The following LRRC7 variants were observed in gnomAD, a reference collection of about 807,000 sequenced individuals.
LRRC7 encodes the protein leucine-rich repeat-containing protein 7.
A neutral mutation model predicts 175.7 loss-of-function variants in LRRC7; 23 were observed. The observed-to-expected ratio is 0.13, with a 90% CI of 0.09 to 0.19. The LOEUF (loss-of-function observed/expected upper bound fraction) is 0.19, where lower values mean the gene tolerates loss of function less well. LRRC7 is among the 10% of genes least tolerant of loss of function. The pLI, the probability that LRRC7 is intolerant of heterozygous loss-of-function variation, is 1.00. For missense variants in LRRC7, 1,354 were observed against 1,904.7 expected (o/e 0.71, Z 5.38); for synonymous variants, 685 against 680.9 (o/e 1.01, Z -0.09).
chr1:69,980,304 C>A (rs749612704), intron 8 of LRRC7, 75 bp from the exon 9 acceptor site: 6 of 1,201,790 alleles, frequency 5.0e-6, no homozygotes, highest in Non-Finnish European at 7.4e-6. Context: ...CAAGAAATTA[C>A]ATCTTATGTT....
intron 10 of LRRC7, among the ~76,000 whole-genome samples, chr1:69,991,782 C>T (rs751714583): frequency 1.3e-5 from 2 of 152,054 alleles, no homozygotes; most frequent in Non-Finnish European, 2.9e-5. Flanking sequence ...TTTAGTTCCT[C>T]TGCAGCTATC....
intron 1 of LRRC7, among the ~76,000 whole-genome samples, chr1:69,598,763 C>A (rs1221487908): frequency 6.6e-6 from 1 of 152,124 alleles, no homozygotes; most frequent in African/African-American, 2.4e-5. Flanking sequence ...AAATGTTTCT[C>A]AATACAAAAG....
chr1:69,600,543 G>A (rs1299833842), intron 1 of LRRC7, among the ~76,000 whole-genome samples: 1 of 152,164 alleles, frequency 6.6e-6, no homozygotes, highest in Admixed American at 6.5e-5. Flanking sequence ...ATCTATATCA[G>A]TATGGACTCA....
chr1:69,855,103 G>A (rs1458039513), intron 7 of LRRC7, among the ~76,000 whole-genome samples: 2 of 152,168 alleles, frequency 1.3e-5, no homozygotes, highest in African/African-American at 2.4e-5. Flanking sequence ...TGGTTGTTAA[G>A]TTTGCAGAGG....
At position 70,131,868 on chromosome 1, in the gene LRRC7, C is replaced by CA. The variant is rs1369626304; in HGVS notation, c.*9982dup. On this transcript the variant is annotated 3_prime_UTR_variant, in exon 27 of 27. Transcript: ENST00000651989. The stretch of plus-strand genomic sequence containing the variant: ...AGTGAAATATTAATTGAGAGAGTGA[C>CA]ATTATCTTAGGATAGTAAGAATATT... 6.6e-6 allele frequency among the ~76,000 whole-genome samples: 1 copy of CA among 152,076 alleles called. No homozygotes were observed. Among genetic ancestry groups the CA allele is most frequent in the Non-Finnish European group, 1.5e-5 (1 of 68,028 alleles).
intron 6 of LRRC7, among the ~76,000 whole-genome samples, chr1:69,836,168 C>T (rs757361507): frequency 9.9e-5 from 15 of 152,044 alleles, no homozygotes; most frequent in Non-Finnish European, 1.6e-4. Flanking sequence ...AATGAAGTCA[C>T]TTAACATGTG....
chr1:70,144,346 A>AAT lies in LRRC7; in HGVS notation c.*22460_*22461dup, dbSNP rs1667217428. ...AGTCTCCTTATTGTATAAATAATAA[A>AAT]ATGTCACCTTATTGTAAAGTGTCTT... On this transcript the variant is annotated 3_prime_UTR_variant, in exon 27 of 27. Transcript: ENST00000651989. 6.6e-6 allele frequency: 1 copy of AAT among 152,188 alleles called. No individual in the cohort carries two copies. Among genetic ancestry groups the AAT allele is most frequent in the African/African-American group, 2.4e-5 (1 of 41,460 alleles). 9.4% of individuals were successfully genotyped at this position (152,188 alleles called of 1,614,324 possible). A position where few individuals can be genotyped will look rare whatever the true frequency, so the allele number is the denominator to read the frequency against.
chr1:69,579,591 A>C (rs1646107569), intron 1 of LRRC7, among the ~76,000 whole-genome samples: 1 of 152,126 alleles, frequency 6.6e-6, no homozygotes, highest in Non-Finnish European at 1.5e-5. Context: ...GTGCAGAAAA[A>C]GATGCATGTT....
Position 69,750,090 on chromosome 1 carries a change from AAAT to A in LRRC7, c.101-10092_101-10090del, listed in dbSNP as rs1242360899. Among the ~76,000 whole-genome samples the A allele has an allele frequency of 7.9e-5, 10 of 125,842 alleles. 1 individual carries two copies. Among genetic ancestry groups the A allele is most frequent in the East Asian group, 4.9e-4 (2 of 4,062 alleles). 82.6% of individuals were successfully genotyped at this position (125,842 alleles called of 152,430 possible). ...TAAATAAATAAATAAATAAATAAAT[AAAT>A]AATAATAACTGAAAAGTGAGGTTAA... On this transcript the variant is annotated intron_variant, in intron 2 of 26. Transcript: ENST00000651989.
At chr1:69,913,482 C>A (rs1394797367) in intron 7 of LRRC7, among the ~76,000 whole-genome samples, 1 of 152,082 alleles carries the variant, frequency 6.6e-6, no homozygotes, top group African/African-American at 2.4e-5. Context: ...GTTACATATT[C>A]TCATAATGAG....
At chr1:69,696,723 G>C (rs889175700) in intron 2 of LRRC7, among the ~76,000 whole-genome samples, 1 of 152,118 alleles carries the variant, frequency 6.6e-6, no homozygotes, top group Non-Finnish European at 1.5e-5. Flanking sequence ...GTGAGTTCCT[G>C]CTCTGAGTTC....
rs1666237999 is a variant in LRRC7 at position 70,122,065 on chromosome 1, T to C, written c.*178T>C. The C allele has an allele frequency of 2.1e-6, 1 of 476,602 alleles. No individual in the cohort carries two copies. The highest frequency in any genetic ancestry group is 3.7e-6 in the Non-Finnish European group (1 of 270,152). The allele number at this position is 476,602 out of a possible 1,614,324, so 29.5% of individuals were successfully genotyped here. A position where few individuals can be genotyped will look rare whatever the true frequency, so the allele number is the denominator to read the frequency against. On this transcript the variant is annotated 3_prime_UTR_variant, in exon 27 of 27. Transcript: ENST00000651989. ...AAATGTTAACTCTATAAATATGATGTTCATGTGGTTATGTATTAGTTTTAA... is the reference window on the plus strand; with the variant it reads ...AAATGTTAACTCTATAAATATGATGCTCATGTGGTTATGTATTAGTTTTAA...
chr1:69,774,022 G>T (rs1672536654), intron 3 of LRRC7, among the ~76,000 whole-genome samples: 1 of 152,076 alleles, frequency 6.6e-6, no homozygotes, highest in African/African-American at 2.4e-5. Flanking sequence ...TTACTGGATT[G>T]GCCATCTTGA....
chr1:69,752,127 G>T (rs1302899088), intron 2 of LRRC7, among the ~76,000 whole-genome samples: 1 of 152,092 alleles, frequency 6.6e-6, no homozygotes, highest in Non-Finnish European at 1.5e-5. Context: ...TGGAGTACCA[G>T]AATCACCATG....
chr1:70,007,727 G>A (rs1193225740), intron 11 of LRRC7, among the ~76,000 whole-genome samples: 1 of 152,052 alleles, frequency 6.6e-6, no homozygotes, highest in Non-Finnish European at 1.5e-5. Flanking sequence ...TTTATCTTTT[G>A]TGCTTTCAGT....
In LRRC7 at chr1:69,610,183, T is replaced by C. The variant is rs551762608; in HGVS notation, c.2+41542T>C. ...ATTTATTTGTTGAAGAAACAGGATC[T>C]TTTTTTCTAAAAAATATTCAATACC... On this transcript the variant is annotated intron_variant, in intron 1 of 26. Transcript: ENST00000651989. Among the ~76,000 whole-genome samples the C allele has an allele frequency of 1.7e-4, 26 of 152,158 alleles. 1 individual carries two copies. Among genetic ancestry groups the C allele is most frequent in the Non-Finnish European group, 3.5e-4 (24 of 67,964 alleles).
At chr1:69,847,186 A>G (rs571563869) in intron 7 of LRRC7, among the ~76,000 whole-genome samples, 2 of 152,230 alleles carry the variant, frequency 1.3e-5, no homozygotes, top group South Asian at 4.1e-4. Context: ...CATTGTTTGT[A>G]TCTTCATGTA....
chr1:70,021,104 A>G lies in LRRC7; in HGVS notation c.1520A>G (p.Asp507Gly), dbSNP rs780870301. The change falls in exon 16 of 27, where the codon GAT (aspartate) becomes GGT (glycine). Residue 507 changes from aspartate (D) to glycine (G), a missense_variant. Asp to Gly is a moderately conservative substitution (Grantham distance 94). Around this residue, in one of 4 missense-constraint regions of LRRC7, gnomAD observed 1,032 missense variants for 1,227.2 expected, o/e 0.84. Coordinates refer to ENST00000651989, the MANE Select transcript of LRRC7 (RefSeq NM_001370785.2). ...VAFEFEDKKE[D>G]DENAGKVKDL... ...TTTGAATTTGAAGACAAAAAAGAAG[A>G]TGACGAAAATGCTGGGAAAGTTAAG... 2 of 1,612,326 alleles carry G rather than the reference A, an allele frequency of 1.2e-6. No homozygotes were observed. The highest frequency in any genetic ancestry group is 1.1e-5 in the South Asian group (1 of 90,966).
At chr1:69,986,217 C>A in intron 9 of LRRC7, 25 bp from the exon 10 acceptor site, 1 of 1,603,316 alleles carries the variant, frequency 6.2e-7, no homozygotes, top group South Asian at 1.1e-5. Context: ...CTCAACTAAC[C>A]CTGAGTTTAT....
Sources: allele counts gnomAD v4.1 joint callset (sites outside exome capture counted in the v4.1 genomes callset), GRCh38; gene constraint gnomAD v4.1.1; regional missense constraint gnomAD v4.1.1; transcripts MANE v1.5; gene names NCBI Gene and HGNC (gene_info 2026-07-23, HGNC 2026-07-21).